Variants in AIFM2 observed in about 807,000 individuals in gnomAD.
The protein encoded by AIFM2 is AIF family member 2, ferroptosis suppressor.
In AIFM2, 38 loss-of-function variants were observed where a neutral mutation model predicts 35.7. The ratio of observed to expected loss-of-function variants is 1.06; its 90% CI spans 0.82 to 1.39. AIFM2 has a LOEUF of 1.39. AIFM2 is among the 40% of genes most tolerant of loss of function. The pLI is 0.00. For synonymous variants in AIFM2, 185 were observed against 203.5 expected (o/e 0.91, Z 0.77); for missense variants, 476 against 491.2 (o/e 0.97, Z 0.29).
chr10:70,115,161 C>T (rs1266518566), intron 7 of AIFM2, 41 bp from the exon 8 acceptor site: 1 of 1,603,190 alleles, frequency 6.2e-7, no homozygotes, highest in South Asian at 1.1e-5. Context: ...CACTGAGCTG[C>T]TGTGTTAAGT....
At chr10:70,128,013 G>A (rs1398408113) in intron 1 of AIFM2, among the ~76,000 whole-genome samples, 3 of 152,204 alleles carry the variant, frequency 2.0e-5, no homozygotes, top group Admixed American at 6.5e-5. Context: ...TGGACATGCC[G>A]ACTCTCTTTG....
chr10:70,114,674 A>G (rs1187157236), intron 8 of AIFM2: 1 of 534,482 alleles, frequency 1.9e-6, no homozygotes. Flanking sequence ...GGGTTTCTCC[A>G]TGTTGGTCAG....
chr10:70,115,218 GTGC>G (rs2072422915), intron 7 of AIFM2, 98 bp from the exon 8 acceptor site: 1 of 1,321,998 alleles, frequency 7.6e-7, no homozygotes, highest in African/African-American at 1.5e-5. Context: ...TGGTCAATAG[GTGC>G]TGGTCAGGTC....
chr10:70,116,997 AGAAGCCCCTGGAGG>A (rs1433414595), intron 6 of AIFM2, among the ~76,000 whole-genome samples: 1 of 152,226 alleles, frequency 6.6e-6, no homozygotes, highest in Non-Finnish European at 1.5e-5. Flanking sequence ...AAAAGTTCCA[AGAAGCCCCTGGAGG>A]GAAGCGAGGC....
Position 70,120,524 on chromosome 10 carries a change from C to T in AIFM2, c.490G>A (p.Glu164Lys). ...GVEMAAEIKTEYPEKEVTLIH... is the reference protein window; with the variant it reads ...GVEMAAEIKTKYPEKEVTLIH... ...TGGCTCACCTCTTTCTCAGGATATT[C>T]TGTTTTAATCTCTGCTGCCATCTCC... Residue 164 changes from glutamate (E) to lysine (K), a missense_variant, in exon 5 of 9, where the codon GAA becomes AAA. Coordinates refer to ENST00000307864, the MANE Select transcript of AIFM2 (RefSeq NM_032797.6). 2 of 1,614,200 alleles carry T rather than the reference C, an allele frequency of 1.2e-6. No individual in the cohort carries two copies. Among genetic ancestry groups the T allele is most frequent in the Non-Finnish European group, 1.7e-6 (2 of 1,180,036 alleles).
In AIFM2 at chr10:70,121,222, CCAAAAAA is replaced by C; in HGVS notation, c.295-18_295-12del. ...AGAGAAGGGCAGGGCCTGAGAGAAA[CCAAAAAA>C]AAAAAAAAAAAAAAAAAAAAAAAGA... is the stretch of plus-strand genomic sequence containing the variant. On this transcript the variant is annotated splice_polypyrimidine_tract_variant and intron_variant, in intron 3 of 8. Transcript: ENST00000307864. The C allele has an allele frequency of 5.6e-6, 1 of 177,136 alleles. No homozygotes were observed. Among genetic ancestry groups the C allele is most frequent in the Non-Finnish European group, 7.0e-6 (1 of 142,742 alleles). 11.0% of individuals were successfully genotyped at this position (177,136 alleles called of 1,614,324 possible).
intron 1 of AIFM2, among the ~76,000 whole-genome samples, chr10:70,132,406 G>C (rs926505358): frequency 7.2e-5 from 11 of 152,224 alleles, no homozygotes; most frequent in African/African-American, 2.4e-4. Context: ...CCCGCCCCGT[G>C]TTCCCTCTTC....
intron 1 of AIFM2, among the ~76,000 whole-genome samples, chr10:70,128,007 C>T (rs2072587243): frequency 6.6e-6 from 1 of 152,242 alleles, no homozygotes; most frequent in Non-Finnish European, 1.5e-5. Flanking sequence ...TACTCTTGGA[C>T]ATGCCGACTC....
chr10:70,118,002 T>C, intron 5 of AIFM2, 82 bp from the exon 6 acceptor site: 1 of 955,610 alleles, frequency 1.0e-6, no homozygotes, highest in Non-Finnish European at 1.6e-6. Context: ...CCACCTCCAC[T>C]CATACCTCCA....
rs1224303603 is a variant in AIFM2, at chr10:70,123,614, C to T, written c.179-94G>A. Reference sequence around the variant, plus strand: ...GAACCTTTCACGAGCTGCAAACCAACAGGGGTGCCCTTGACCAAAGCGTCG... The same window carrying T: ...GAACCTTTCACGAGCTGCAAACCAATAGGGGTGCCCTTGACCAAAGCGTCG... On this transcript the variant is annotated intron_variant, in intron 2 of 8. Coordinates refer to ENST00000307864, the MANE Select transcript of AIFM2 (RefSeq NM_032797.6). The T allele has an allele frequency of 1.2e-5, 14 of 1,166,212 alleles. No homozygotes were observed. The Admixed American group carries it at 2.3e-4, about 19-fold the overall frequency. 72.2% of individuals were successfully genotyped at this position (1,166,212 alleles called of 1,614,324 possible). A position where few individuals can be genotyped will look rare whatever the true frequency, so the allele number is the denominator to read the frequency against.
Position 70,123,332 on chromosome 10 carries a change from A to G in AIFM2, c.294+73T>C, listed in dbSNP as rs2072530272. The G allele has an allele frequency of 5.2e-6, 7 of 1,337,166 alleles. No individual in the cohort carries two copies. The Admixed American group carries it at 1.1e-4, about 21-fold the overall frequency. The allele number at this position is 1,337,166 out of a possible 1,614,324, so 82.8% of individuals were successfully genotyped here. ...CCGCCCCCAGCCTAGCTCTCTCTTG[A>G]CCCTGGAGGATCCCGCCCAGGCCCT... On this transcript the variant is annotated intron_variant, in intron 3 of 8. Transcript: ENST00000307864.
intron 3 of AIFM2, 60 bp from the exon 4 acceptor site, chr10:70,121,271 C>T (rs2072502430): frequency 2.1e-6 from 3 of 1,447,718 alleles, no homozygotes; most frequent in Non-Finnish European, 2.7e-6. Context: ...TAGGGCAGGG[C>T]AGGGCAGGCC....
At chr10:70,126,285 AAAAG>A (rs1490400382) in intron 1 of AIFM2, among the ~76,000 whole-genome samples, 1 of 152,232 alleles carries the variant, frequency 6.6e-6, no homozygotes, top group East Asian at 1.9e-4. Context: ...GATGCTGAGA[AAAAG>A]AAACAAAACT....
chr10:70,121,346 G>A, intron 3 of AIFM2, 135 bp from the exon 4 acceptor site: 1 of 1,349,354 alleles, frequency 7.4e-7, no homozygotes, highest in Non-Finnish European at 9.6e-7. Context: ...GCCCCTCTAG[G>A]CACCCGAGGC....
intron 3 of AIFM2, 91 bp from the exon 4 acceptor site, chr10:70,121,302 C>T: frequency 7.1e-7 from 1 of 1,413,004 alleles, no homozygotes; most frequent in East Asian, 2.6e-5. Context: ...CATCCTACTC[C>T]CGGCCTGCCA....
intron 7 of AIFM2, among the ~76,000 whole-genome samples, chr10:70,116,261 C>T (rs1245566836): frequency 6.6e-6 from 1 of 152,228 alleles, no homozygotes; most frequent in Non-Finnish European, 1.5e-5. Flanking sequence ...GGTTTGGGGG[C>T]GGCAGCACGC....
rs956778537 is a variant in AIFM2, at chr10:70,117,369, G to A, written c.616+443C>T. On this transcript the variant is annotated intron_variant, in intron 6 of 8. Transcript: ENST00000307864. The surrounding 1 kb of genome is among the most constrained non-coding windows in gnomAD (Gnocchi z 4.7). The stretch of plus-strand genomic sequence containing the variant: ...GAACCTCACTTTCCAGCATTTGCTG[G>A]GTGGGTCTCGTCCCCTGCTCTACAA... Among the ~76,000 whole-genome samples, 3 of 152,118 alleles carry A rather than the reference G, an allele frequency of 2.0e-5. No homozygotes were observed. The highest frequency in any genetic ancestry group is 7.2e-5 in the African/African-American group (3 of 41,426).
chr10:70,132,632 G>A (rs992407204), intron 1 of AIFM2, 102 bp downstream of exon 1: 1 of 152,196 alleles, frequency 6.6e-6, no homozygotes. Flanking sequence ...CACGCCAGAC[G>A]CGGCGTGAGC....
intron 3 of AIFM2, among the ~76,000 whole-genome samples, chr10:70,121,849 TG>T (rs1168495202): frequency 6.6e-6 from 1 of 150,850 alleles, no homozygotes; most frequent in Non-Finnish European, 1.5e-5. Context: ...CCCAGCACTT[TG>T]GGAGACCAAG....
Sources: gnomAD v4.1 joint callset for allele counts (sites outside exome capture counted in the v4.1 genomes callset) on GRCh38, gnomAD v4.1.1 for gene constraint, Gnocchi (gnomAD v3.1) non-coding constraint, MANE v1.5 for transcripts, NCBI Gene and HGNC (gene_info 2026-07-23, HGNC 2026-07-21) for gene names.